Variants in STIMATE observed in about 807,000 individuals in gnomAD.
STIMATE encodes store-operated calcium entry regulator STIMATE.
A neutral mutation model predicts 36.7 loss-of-function variants in STIMATE; 15 were observed. That is an observed-to-expected ratio of 0.41 (90% CI 0.27 to 0.63). The LOEUF (loss-of-function observed/expected upper bound fraction) is 0.63. Ranked by LOEUF, STIMATE falls within the 20% of genes least tolerant of loss-of-function variation. The probability of loss-of-function intolerance (pLI) is 0.32; values close to 1 mark genes in which losing one functional copy is unlikely to be tolerated. For synonymous variants in STIMATE, 163 were observed against 162.3 expected, an observed-to-expected ratio of 1.00 and a Z score of -0.03; for missense variants, 305 against 397.3, an observed-to-expected ratio of 0.77 and a Z score of 1.98.
At chr3:52,892,381 T>C (rs1228712325) in intron 1 of STIMATE, among the ~76,000 whole-genome samples, 3 of 152,188 alleles carry the variant, frequency 2.0e-5, no homozygotes, top group African/African-American at 7.2e-5. Context: ...TAAATAAACA[T>C]TTAGAAAACC....
intron 1 of STIMATE, among the ~76,000 whole-genome samples, chr3:52,859,949 G>T (rs11706142): frequency 6.6e-6 from 1 of 151,798 alleles, no homozygotes; most frequent in Non-Finnish European, 1.5e-5. Context: ...ATCAAGTTCA[G>T]AATGGAATCA....
At chr3:52,876,746 A>C (rs564215312) in intron 1 of STIMATE, among the ~76,000 whole-genome samples, 1 of 152,316 alleles carries the variant, frequency 6.6e-6, no homozygotes, top group South Asian at 2.1e-4. Context: ...CATATATAAT[A>C]CATATATAAA....
In STIMATE at chr3:52,840,514, G is replaced by A. The variant is rs202059926; in HGVS notation, c.865C>T (p.Arg289Cys). ...PLKPVKKKKH[R>C]FGLPV ...ATGTGTCATACGGGTAGCCCAAAGC[G>A]GTGCTTCTTTTTCTTCACAGGCTTG... Residue 289 changes from arginine (R) to cysteine (C), a missense_variant, in exon 8 of 8, where the codon CGC becomes TGC. By Grantham distance (180) the Arg-to-Cys change is radical. Coordinates refer to ENST00000355083, the MANE Select transcript of STIMATE (RefSeq NM_198563.5). The A allele has an allele frequency of 9.3e-6, 15 of 1,613,892 alleles. No individual in the cohort carries two copies. Among genetic ancestry groups the A allele is most frequent in the Middle Eastern group, 1.7e-4 (1 of 6,056 alleles).
chr3:52,843,069 T>C (rs907581526), intron 6 of STIMATE, 109 bp from the exon 7 acceptor site: 3 of 1,519,472 alleles, frequency 2.0e-6, no homozygotes, highest in East Asian at 2.4e-5. Flanking sequence ...TCCAGAGCTA[T>C]GGAAAGAAAA....
chr3:52,863,811 T>G (rs1006688008), intron 1 of STIMATE, among the ~76,000 whole-genome samples: 2 of 152,206 alleles, frequency 1.3e-5, no homozygotes, highest in African/African-American at 2.4e-5. Context: ...ACAGGGCCCA[T>G]GCAAGTCCGA....
In STIMATE at chr3:52,840,630, G is replaced by A. The variant is rs1415092528; in HGVS notation, c.769-20C>T. 14 of 1,608,298 alleles carry A rather than the reference G, an allele frequency of 8.7e-6. No individual in the cohort carries two copies. The highest frequency in any genetic ancestry group is 1.2e-5 in the Non-Finnish European group (14 of 1,176,654). On this transcript the variant is annotated intron_variant, in intron 7 of 7. Transcript: ENST00000355083. ...CAGGATCTGAGGCAGTAGAGAGGCA[G>A]GGCCTGAGTCACCCCCAGCAGGGCC... is the stretch of plus-strand genomic sequence containing the variant.
chr3:52,841,636 G>C (rs1464427076), intron 7 of STIMATE: 1 of 152,404 alleles, frequency 6.6e-6, no homozygotes, highest in Non-Finnish European at 1.5e-5. Flanking sequence ...TTCCCTTGCG[G>C]GGCTTCCTGC....
chr3:52,844,800 G>A, intron 5 of STIMATE, 29 bp downstream of exon 5: 1 of 1,610,550 alleles, frequency 6.2e-7, no homozygotes. Flanking sequence ...AGCGTGGCAA[G>A]GAGCTGCTCA....
rs1046565271 is a variant in STIMATE at position 52,837,737 on chromosome 3, C to T, written c.*2757G>A. On this transcript the variant is annotated 3_prime_UTR_variant, in exon 8 of 8. Transcript: ENST00000355083. ...ATTTGGACAAATCAGATTCATAGCACACAATATCCAGCCAACGTCCCACCA... is the reference window on the plus strand; with the variant it reads ...ATTTGGACAAATCAGATTCATAGCATACAATATCCAGCCAACGTCCCACCA... 6.6e-6 allele frequency: 1 copy of T among 152,220 alleles called. No homozygotes were observed. The highest frequency in any genetic ancestry group is 6.5e-5 in the Admixed American group (1 of 15,288). The allele number at this position is 152,220 out of a possible 1,614,324, so 9.4% of individuals were successfully genotyped here. A position where few individuals can be genotyped will look rare whatever the true frequency, so the allele number is the denominator to read the frequency against.
In STIMATE at chr3:52,840,645, C is replaced by G. The variant is rs752145941; in HGVS notation, c.769-35G>C. 6.3e-6 allele frequency: 10 copies of G among 1,591,522 alleles called. No individual in the cohort carries two copies. In the South Asian group the frequency reaches 1.0e-4, roughly 16 times the overall value. On this transcript the variant is annotated intron_variant, in intron 7 of 7. Transcript: ENST00000355083. ...TAGAGAGGCAGGGCCTGAGTCACCC[C>G]CAGCAGGGCCTTCTTCATTTGCCCT... is the stretch of plus-strand genomic sequence containing the variant.
intron 4 of STIMATE, 72 bp from the exon 5 acceptor site, chr3:52,845,013 C>A: frequency 1.3e-6 from 2 of 1,499,906 alleles, no homozygotes; most frequent in South Asian, 2.3e-5. Context: ...CCACCCCACT[C>A]CCCCACACGC....
chr3:52,863,517 CAG>C (rs1701253377), intron 1 of STIMATE, among the ~76,000 whole-genome samples: 3 of 152,208 alleles, frequency 2.0e-5, no homozygotes, highest in Admixed American at 2.0e-4. Flanking sequence ...GGTGGGGACA[CAG>C]AGCCAAACCA....
Position 52,837,470 on chromosome 3 carries a change from C to A in STIMATE, c.*3024G>T. The A allele has an allele frequency of 6.6e-6, 1 of 152,362 alleles. No homozygotes were observed. 9.4% of individuals were successfully genotyped at this position (152,362 alleles called of 1,614,324 possible). On this transcript the variant is annotated 3_prime_UTR_variant, in exon 8 of 8. Transcript: ENST00000355083. ...CCAGCACGGCTGAGGGGCCACAGAC[C>A]CTCCTCTTGCATGTGTGCAAGCTGA...
intron 1 of STIMATE, among the ~76,000 whole-genome samples, chr3:52,866,583 C>T (rs1701316660): frequency 1.3e-5 from 2 of 152,206 alleles, no homozygotes; most frequent in Admixed American, 6.5e-5. Flanking sequence ...CTCTACCTGT[C>T]GACTTCACAC....
At chr3:52,895,142 G>A (rs758364513) in intron 1 of STIMATE, among the ~76,000 whole-genome samples, 3 of 152,188 alleles carry the variant, frequency 2.0e-5, no homozygotes, top group Non-Finnish European at 2.9e-5. Context: ...CCTTGATCTC[G>A]TTCCTCTTCC....
At chr3:52,859,502 CAAAAAAAAAAAAAAAAAAAA>C (rs34298807) in intron 1 of STIMATE, among the ~76,000 whole-genome samples, 4 of 15,636 alleles carry the variant, frequency 2.6e-4, no homozygotes, top group Non-Finnish European at 3.5e-4. Context: ...CCCATTTCTC[CAAAAAAAAAAAAAAAAAAAA>C]AAAAAAAAAT....
intron 1 of STIMATE, among the ~76,000 whole-genome samples, chr3:52,861,108 AAC>A (rs1325645437): frequency 6.6e-6 from 1 of 152,160 alleles, no homozygotes; most frequent in Non-Finnish European, 1.5e-5. Context: ...CACCCTTTCT[AAC>A]ACATCCTCAT....
chr3:52,849,581 G>A (rs1700963298), intron 4 of STIMATE, among the ~76,000 whole-genome samples: 1 of 152,110 alleles, frequency 6.6e-6, no homozygotes, highest in Non-Finnish European at 1.5e-5. Context: ...CACCTTCCCT[G>A]CCATAAGGTG....
chr3:52,852,834 A>G lies in STIMATE; in HGVS notation c.210-136T>C, dbSNP rs1272393064. On this transcript the variant is annotated intron_variant, in intron 2 of 7. Coordinates refer to ENST00000355083, the MANE Select transcript of STIMATE (RefSeq NM_198563.5). Reference sequence around the variant, plus strand: ...CTGGTTATCTCTTCCTGGGGCCTTGAGCACTAACTCAGGCTTGGCATCTCA... The same window carrying G: ...CTGGTTATCTCTTCCTGGGGCCTTGGGCACTAACTCAGGCTTGGCATCTCA... The G allele has an allele frequency of 3.8e-6, 4 of 1,051,382 alleles. No homozygotes were observed. The African/African-American group carries it at 6.4e-5, about 17-fold the overall frequency. The allele number at this position is 1,051,382 out of a possible 1,614,324, so 65.1% of individuals were successfully genotyped here.
Sources: allele counts gnomAD v4.1 joint callset (sites outside exome capture counted in the v4.1 genomes callset), GRCh38; gene constraint gnomAD v4.1.1; transcripts MANE v1.5; gene names NCBI Gene and HGNC (gene_info 2026-07-23, HGNC 2026-07-21).